Variants in ANKS1B observed in about 807,000 individuals in gnomAD.
ANKS1B encodes the protein ankyrin repeat and sterile alpha motif domain-containing protein 1B.
In ANKS1B, 36 loss-of-function variants were observed where a neutral mutation model predicts 148.3. That is an observed-to-expected ratio of 0.24 (90% CI 0.19 to 0.32). The LOEUF is 0.32. Ranked by LOEUF, ANKS1B falls within the 10% of genes least tolerant of loss-of-function variation. The pLI, the probability that ANKS1B is intolerant of heterozygous loss-of-function variation, is 1.00. For missense variants in ANKS1B, 1,157 were observed against 1,542.6 expected (o/e 0.75, Z 4.19); for synonymous variants, 542 against 560.8 (o/e 0.97, Z 0.47).
chr12:99,070,261 C>G (rs2045844059), intron 16 of ANKS1B, among the ~76,000 whole-genome samples: 1 of 152,106 alleles, frequency 6.6e-6, no homozygotes, highest in Non-Finnish European at 1.5e-5. Context: ...GGTGGAAGGA[C>G]TACTGGTTTG....
chr12:98,743,542 G>GC (rs139766860), downstream of ANKS1B, among the ~76,000 whole-genome samples: 6,568 of 152,152 alleles, frequency 0.043, 446 homozygotes, highest in African/African-American at 0.15. Flanking sequence ...CCTCTCATCT[G>GC]CCCCCTGCAG....
intron 22 of ANKS1B, among the ~76,000 whole-genome samples, chr12:98,797,566 T>A (rs1039079150): frequency 2.0e-5 from 3 of 152,244 alleles, no homozygotes; most frequent in African/African-American, 4.8e-5. Flanking sequence ...CTTGTTTTTT[T>A]ATCTAAACTC....
chr12:99,039,512 C>T (rs10459194), intron 17 of ANKS1B, among the ~76,000 whole-genome samples: 102,193 of 152,062 alleles, frequency 0.67, 34,803 homozygotes, highest in East Asian at 0.89. Flanking sequence ...TGAACCCACA[C>T]AAATACAAGG....
At chr12:99,767,024 A>T (rs1312902074) in intron 8 of ANKS1B, among the ~76,000 whole-genome samples, 2 of 152,148 alleles carry the variant, frequency 1.3e-5, no homozygotes, top group Non-Finnish European at 2.9e-5. Context: ...TGAATTTTAG[A>T]ACTAAATTAA....
intron 16 of ANKS1B, among the ~76,000 whole-genome samples, chr12:99,080,338 A>C (rs1252346241): frequency 6.6e-6 from 1 of 152,178 alleles, no homozygotes; most frequent in Non-Finnish European, 1.5e-5. Flanking sequence ...TGACCTTAGC[A>C]CTGGTTGTAG....
At chr12:99,835,606 T>C (rs1217921356) in intron 1 of ANKS1B, among the ~76,000 whole-genome samples, 9 of 152,238 alleles carry the variant, frequency 5.9e-5, no homozygotes, top group Non-Finnish European at 1.3e-4. Flanking sequence ...TCACATTCTT[T>C]TTTGTACTGT....
At chr12:98,915,212 GA>G (rs769095570) in intron 17 of ANKS1B, among the ~76,000 whole-genome samples, 3 of 152,192 alleles carry the variant, frequency 2.0e-5, no homozygotes, top group Non-Finnish European at 2.9e-5. Flanking sequence ...GGCATGTGAA[GA>G]GAAGGAGATA....
chr12:99,942,186 A>G (rs775258992), intron 1 of ANKS1B, among the ~76,000 whole-genome samples: 44 of 152,174 alleles, frequency 2.9e-4, no homozygotes, highest in Non-Finnish European at 5.9e-4. Flanking sequence ...AATCAAACCA[A>G]GCCAAACCAG....
At chr12:99,450,229 T>A (rs2095709442) in intron 10 of ANKS1B, among the ~76,000 whole-genome samples, 1 of 152,194 alleles carries the variant, frequency 6.6e-6, no homozygotes, top group East Asian at 1.9e-4. Context: ...TTACTCGGCC[T>A]TTTTGTTCAA....
intron 9 of ANKS1B, among the ~76,000 whole-genome samples, chr12:99,520,729 G>A (rs1288640731): frequency 1.3e-5 from 2 of 152,130 alleles, no homozygotes; most frequent in Admixed American, 6.5e-5. Flanking sequence ...TCCAGAGCCT[G>A]TAGTTGCGCT....
chr12:99,246,619 C>T lies in ANKS1B; in HGVS notation c.2002G>A (p.Val668Met). Reference protein sequence around the residue: ...EPLVKKIKPKVVSRTIFHKKS... With the variant: ...EPLVKKIKPKMVSRTIFHKKS... Reference sequence around the variant, plus strand: ...TTGTGAAAAATTGTTCTACTGACCACTTTGGGTTTAATTTTCTTTACCAAA... The same window carrying T: ...TTGTGAAAAATTGTTCTACTGACCATTTTGGGTTTAATTTTCTTTACCAAA... Residue 668 changes from valine (V) to methionine (M), a missense_variant, in exon 13 of 27, where the codon GTG becomes ATG. Coordinates refer to ENST00000683438, the MANE Select transcript of ANKS1B (RefSeq NM_001352186.2). 6.2e-7 allele frequency: 1 copy of T among 1,613,560 alleles called. No individual in the cohort carries two copies. The highest frequency in any genetic ancestry group is 8.5e-7 in the Non-Finnish European group (1 of 1,179,704).
At chr12:99,523,053 C>T (rs148760810) in intron 9 of ANKS1B, among the ~76,000 whole-genome samples, 16 of 152,244 alleles carry the variant, frequency 1.1e-4, no homozygotes, top group African/African-American at 3.6e-4. Context: ...AATTAGGTGG[C>T]CTAGAGGCTT....
At chr12:99,263,275 C>T (rs2076110078) in intron 12 of ANKS1B, among the ~76,000 whole-genome samples, 1 of 152,056 alleles carries the variant, frequency 6.6e-6, no homozygotes, top group African/African-American at 2.4e-5. Flanking sequence ...CCCTGACTCC[C>T]CACTCATGCC....
intron 9 of ANKS1B, among the ~76,000 whole-genome samples, chr12:99,615,117 T>G (rs2153355808): frequency 6.6e-6 from 1 of 152,284 alleles, no homozygotes; most frequent in East Asian, 1.9e-4. Context: ...AAAAGCAGAA[T>G]TCCAAAGTGT....
chr12:99,128,667 T>C (rs963797810), intron 15 of ANKS1B, among the ~76,000 whole-genome samples: 1 of 152,172 alleles, frequency 6.6e-6, no homozygotes, highest in African/African-American at 2.4e-5. Flanking sequence ...TCTGACCTGG[T>C]TCACAGATAC....
rs10527065 is a variant in ANKS1B, at chr12:99,267,561, A to ACATTCATTCATTCATTCATTCATT, written c.1757-20721_1757-20698dup. 2.6e-3 allele frequency among the ~76,000 whole-genome samples: 394 copies of ACATTCATTCATTCATTCATTCATT among 151,622 alleles called. 3 individuals carry two copies. Among genetic ancestry groups the ACATTCATTCATTCATTCATTCATT allele is most frequent in the South Asian group, 7.3e-3 (35 of 4,798 alleles). On this transcript the variant is annotated intron_variant, in intron 12 of 26. Transcript: ENST00000683438. The stretch of plus-strand genomic sequence containing the variant: ...AAGAAAATAAAGATTATTTGGCTGT[A>ACATTCATTCATTCATTCATTCATT]CATTCATTCATTCATTCATTCATTT...
chr12:98,941,975 G>A (rs2099837480), intron 17 of ANKS1B, among the ~76,000 whole-genome samples: 1 of 152,178 alleles, frequency 6.6e-6, no homozygotes, highest in African/African-American at 2.4e-5. Context: ...GGGCACAGTG[G>A]CTCACGCCTG....
intron 1 of ANKS1B, among the ~76,000 whole-genome samples, chr12:99,884,466 C>T (rs964612725): frequency 3.9e-5 from 6 of 152,284 alleles, no homozygotes; most frequent in East Asian, 1.9e-4. Context: ...TTTACAGTAG[C>T]TTTATTCATA....
chr12:99,175,145 A>C (rs2078240393), intron 14 of ANKS1B, among the ~76,000 whole-genome samples: 1 of 152,192 alleles, frequency 6.6e-6, no homozygotes, highest in Non-Finnish European at 1.5e-5. Context: ...ATAGAGACAA[A>C]ATTTCCAACA....
Sources: gnomAD v4.1 joint callset for allele counts (sites outside exome capture counted in the v4.1 genomes callset) on GRCh38, gnomAD v4.1.1 for gene constraint, MANE v1.5 for transcripts, NCBI Gene and HGNC (gene_info 2026-07-23, HGNC 2026-07-21) for gene names.